The following BABAM2 variants were observed in gnomAD, a reference collection of about 807,000 sequenced individuals.
BABAM2 encodes BRISC and BRCA1 A complex member 2, also known as BRISC and BRCA1-A complex member 2.
In BABAM2, 31 loss-of-function variants were observed where a neutral mutation model predicts 54.7. That is an observed-to-expected ratio of 0.57 (90% CI 0.43 to 0.77). The LOEUF (loss-of-function observed/expected upper bound fraction) is 0.77, where lower values mean the gene tolerates loss of function less well. Among genes scored for constraint, BABAM2 ranks in the 30% least tolerant of loss-of-function variants. The pLI is 0.00. For missense variants in BABAM2, 364 were observed against 455.8 expected, an observed-to-expected ratio of 0.80 and a Z score of 1.83; for synonymous variants, 167 against 162.9, an observed-to-expected ratio of 1.03 and a Z score of -0.19.
chr2:28,241,289 C>A, intron 8 of BABAM2, 34 bp from the exon 9 acceptor site: 1 of 1,588,436 alleles, frequency 6.3e-7, no homozygotes, highest in African/African-American at 1.3e-5. Flanking sequence ...AAAAGATTCC[C>A]ACTCTACTTC....
chr2:28,276,257 G>C (rs1017632877), intron 10 of BABAM2, among the ~76,000 whole-genome samples: 1 of 152,042 alleles, frequency 6.6e-6, no homozygotes, highest in African/African-American at 2.4e-5. Flanking sequence ...CCATGCAAAA[G>C]ATGACTAAGC....
At chr2:28,122,108 C>T (rs574467200) in intron 6 of BABAM2, among the ~76,000 whole-genome samples, 62 of 152,072 alleles carry the variant, frequency 4.1e-4, no homozygotes, top group Non-Finnish European at 8.7e-4. Flanking sequence ...CCCAGCTACT[C>T]GGGAGGCTGA....
chr2:27,965,140 T>C (rs1670748212), intron 3 of BABAM2, among the ~76,000 whole-genome samples: 1 of 152,212 alleles, frequency 6.6e-6, no homozygotes, highest in Non-Finnish European at 1.5e-5. Context: ...TTATTAATAA[T>C]GCCCTTTTTT....
intron 11 of BABAM2, among the ~76,000 whole-genome samples, chr2:28,326,202 G>C (rs962139248): frequency 1.3e-5 from 2 of 152,170 alleles, no homozygotes; most frequent in East Asian, 3.9e-4. Context: ...ACCACCATCC[G>C]ACAGGCGGCC....
At chr2:28,119,062 A>G (rs947591914) in intron 6 of BABAM2, among the ~76,000 whole-genome samples, 8 of 152,084 alleles carry the variant, frequency 5.3e-5, no homozygotes, top group Admixed American at 2.6e-4. Context: ...TGAGGTGTCT[A>G]TTCTGCTCCA....
intron 11 of BABAM2, among the ~76,000 whole-genome samples, chr2:28,307,403 GTT>G (rs531852080): frequency 1.4e-5 from 2 of 142,446 alleles, no homozygotes; most frequent in South Asian, 2.2e-4. Flanking sequence ...TTTGGTTTGG[GTT>G]TTTTTTTTTT....
intron 7 of BABAM2, among the ~76,000 whole-genome samples, chr2:28,197,886 C>G (rs888126559): frequency 6.6e-6 from 1 of 152,056 alleles, no homozygotes; most frequent in Non-Finnish European, 1.5e-5. Context: ...TTCAGAAAAC[C>G]CAGACATCTA....
intron 8 of BABAM2, among the ~76,000 whole-genome samples, chr2:28,239,822 A>G (rs2148064609): frequency 6.6e-6 from 1 of 152,354 alleles, no homozygotes; most frequent in South Asian, 2.1e-4. Flanking sequence ...TGAAAGGTTG[A>G]TGGGAAACTA....
chr2:28,015,792 C>T (rs1239288537), intron 4 of BABAM2: 1 of 1,055,132 alleles, frequency 9.5e-7, no homozygotes, highest in Non-Finnish European at 1.3e-6. Context: ...TTTTCTTCTT[C>T]CACTGTTTTT....
chr2:27,976,765 A>C (rs1267346627), intron 3 of BABAM2, among the ~76,000 whole-genome samples: 1 of 152,186 alleles, frequency 6.6e-6, no homozygotes, highest in Non-Finnish European at 1.5e-5. Flanking sequence ...TACTGTTTGA[A>C]TGTGGCTACT....
intron 2 of BABAM2, among the ~76,000 whole-genome samples, chr2:27,908,231 A>G (rs1666324562): frequency 1.3e-5 from 2 of 152,248 alleles, no homozygotes; most frequent in East Asian, 1.9e-4. Context: ...GGTAGTGAGT[A>G]TAGTACTCAA....
chr2:27,971,135 G>C (rs1671184098), intron 3 of BABAM2, among the ~76,000 whole-genome samples: 1 of 152,050 alleles, frequency 6.6e-6, no homozygotes, highest in African/African-American at 2.4e-5. Context: ...TTAGTGATCT[G>C]TGAAGTGACA....
At chr2:28,328,804 GTGT>G (rs1315248269) in intron 11 of BABAM2, among the ~76,000 whole-genome samples, 1 of 152,170 alleles carries the variant, frequency 6.6e-6, no homozygotes, top group Non-Finnish European at 1.5e-5. Context: ...ACACCCAGTA[GTGT>G]TGTGAGCACC....
At chr2:27,900,889 A>G (rs1665738967) in intron 2 of BABAM2, among the ~76,000 whole-genome samples, 1 of 151,950 alleles carries the variant, frequency 6.6e-6, no homozygotes, top group South Asian at 2.1e-4. Flanking sequence ...TAAAAATACA[A>G]AAAATTAGCC....
rs545427773 is a variant in BABAM2 at position 28,111,860 on chromosome 2, A to G, written c.571-17411A>G. Among the ~76,000 whole-genome samples, 121 of 152,260 alleles carry G rather than the reference A, an allele frequency of 7.9e-4. 1 individual carries two copies. Among genetic ancestry groups the G allele is most frequent in the African/African-American group, 2.9e-3 (119 of 41,540 alleles). On this transcript the variant is annotated intron_variant, in intron 6 of 11. Transcript: ENST00000379624. Reference sequence around the variant, plus strand: ...TCCAGGCTTCAGCTGCCTACTGTTCACAAGTTCATGCTACACCCTCATTTG... The same window carrying G: ...TCCAGGCTTCAGCTGCCTACTGTTCGCAAGTTCATGCTACACCCTCATTTG...
chr2:28,077,917 T>G (rs949058116), intron 6 of BABAM2, among the ~76,000 whole-genome samples: 1 of 152,206 alleles, frequency 6.6e-6, no homozygotes, highest in African/African-American at 2.4e-5. Flanking sequence ...GGTTTCTGGC[T>G]TAAGTAACTG....
At chr2:27,927,015 T>TA (rs1335276756) in intron 2 of BABAM2, among the ~76,000 whole-genome samples, 4 of 152,212 alleles carry the variant, frequency 2.6e-5, no homozygotes, top group Non-Finnish European at 5.9e-5. Flanking sequence ...TACAGTGGTA[T>TA]AGTACACCAG....
intron 9 of BABAM2, among the ~76,000 whole-genome samples, chr2:28,242,691 T>C (rs1023598007): frequency 4.6e-5 from 7 of 152,172 alleles, no homozygotes; most frequent in African/African-American, 1.7e-4. Context: ...TGGGATATAA[T>C]TTTCAAACCA....
intron 10 of BABAM2, among the ~76,000 whole-genome samples, chr2:28,272,898 G>A (rs898480692): frequency 1.3e-5 from 2 of 152,178 alleles, no homozygotes; most frequent in Non-Finnish European, 2.9e-5. Flanking sequence ...ACGACATGTG[G>A]AGGGATACAG....
Sources: gnomAD v4.1 joint callset for allele counts (sites outside exome capture counted in the v4.1 genomes callset) on GRCh38, gnomAD v4.1.1 for gene constraint, MANE v1.5 for transcripts, NCBI Gene and HGNC (gene_info 2026-07-23, HGNC 2026-07-21) for gene names.